Variants in KCNC2 observed in about 807,000 individuals in gnomAD.
KCNC2 encodes voltage-gated potassium channel KCNC2.
KCNC2 carries 21 observed loss-of-function variants against 44.5 expected under a neutral mutation model. The observed-to-expected ratio is 0.47, with a 90% CI of 0.33 to 0.68. The LOEUF is 0.68. Ranked by LOEUF, KCNC2 falls within the 30% of genes least tolerant of loss-of-function variation. The pLI is 0.01. For missense variants in KCNC2, 589 were observed against 826.2 expected (o/e 0.71, Z 3.52); for synonymous variants, 391 against 339.1 (o/e 1.15, Z -1.68).
chr12:75,181,042 T>TA (rs1453008137), intron 2 of KCNC2, among the ~76,000 whole-genome samples: 6 of 152,148 alleles, frequency 3.9e-5, no homozygotes, highest in Non-Finnish European at 7.4e-5. Flanking sequence ...TCAAAATAAA[T>TA]ACTTAAAAGA....
intron 2 of KCNC2, among the ~76,000 whole-genome samples, chr12:75,178,610 A>G (rs1197331533): frequency 6.6e-6 from 1 of 152,070 alleles, no homozygotes; most frequent in Non-Finnish European, 1.5e-5. Context: ...GTAAACTACA[A>G]CTATTCAGAT....
chr12:75,119,922 G>A (rs1311985591), intron 2 of KCNC2, among the ~76,000 whole-genome samples: 2 of 152,166 alleles, frequency 1.3e-5, no homozygotes, highest in African/African-American at 4.8e-5. Context: ...GATTATATCT[G>A]ATAATAATTC....
At chr12:75,204,135 C>A (rs996887368) in intron 2 of KCNC2, among the ~76,000 whole-genome samples, 1 of 151,844 alleles carries the variant, frequency 6.6e-6, no homozygotes, top group Non-Finnish European at 1.5e-5. Context: ...GTTTCCATGA[C>A]AACTTATATT....
At chr12:75,086,062 T>C (rs530249315) in intron 2 of KCNC2, among the ~76,000 whole-genome samples, 8 of 152,062 alleles carry the variant, frequency 5.3e-5, no homozygotes, top group Non-Finnish European at 1.0e-4. Context: ...TAGATAAATA[T>C]GTTTTCACTC....
chr12:75,050,449 C>T lies in KCNC2; in HGVS notation c.1556G>A (p.Ser519Asn). Residue 519 changes from serine (S) to asparagine (N), a missense_variant, in exon 3 of 5, where the codon AGT (serine) becomes AAT (asparagine). Physicochemically the swap from Ser to Asn is conservative, Grantham distance 46. Around this residue, in one of 7 missense-constraint regions of KCNC2, gnomAD observed 171 missense variants for 182.4 expected, o/e 0.94. Coordinates refer to ENST00000549446, the MANE Select transcript of KCNC2 (RefSeq NM_139137.4). ...GCCCAGACATGTGTCACTCTGTGTA[C>T]TATTGCAGGCCATATTTAATTCTGT... ...CKTELNMACN[S>N]TQSDTCLGKD... The T allele has an allele frequency of 6.2e-7, 1 of 1,613,562 alleles. No individual in the cohort carries two copies. The highest frequency in any genetic ancestry group is 1.3e-5 in the African/African-American group (1 of 74,972).
intron 2 of KCNC2, among the ~76,000 whole-genome samples, chr12:75,155,777 T>C (rs1242193703): frequency 1.3e-5 from 2 of 151,572 alleles, no homozygotes; most frequent in Non-Finnish European, 2.9e-5. Context: ...AGTTCACTAA[T>C]GACAAGGTTA....
intron 2 of KCNC2, among the ~76,000 whole-genome samples, chr12:75,118,153 T>A (rs1349423901): frequency 6.6e-6 from 1 of 152,134 alleles, no homozygotes; most frequent in African/African-American, 2.4e-5. Context: ...CAATCTCATT[T>A]AGACAAATCA....
At chr12:75,146,471 G>C (rs1404685983) in intron 2 of KCNC2, among the ~76,000 whole-genome samples, 1 of 152,164 alleles carries the variant, frequency 6.6e-6, no homozygotes, top group Non-Finnish European at 1.5e-5. Context: ...GTTATTAAAA[G>C]TAGATCTGTT....
chr12:75,202,233 A>G (rs1488590427), intron 2 of KCNC2, among the ~76,000 whole-genome samples: 1 of 151,900 alleles, frequency 6.6e-6, no homozygotes, highest in East Asian at 1.9e-4. Flanking sequence ...AATCTATCCA[A>G]CTATATTCAC....
rs976539190 is a variant in KCNC2, at chr12:75,060,188, C to A, written c.688-8871G>T. Among the ~76,000 whole-genome samples the A allele has an allele frequency of 3.9e-5, 6 of 152,192 alleles. No individual in the cohort carries two copies. The East Asian group carries it at 9.7e-4, about 25-fold the overall frequency. On this transcript the variant is annotated intron_variant, in intron 2 of 4. Coordinates refer to ENST00000549446, the MANE Select transcript of KCNC2 (RefSeq NM_139137.4). The stretch of plus-strand genomic sequence containing the variant: ...TTTGGACCATCATTTAGCAATGAAA[C>A]AACTTGGTACCAAGAATCCTTTTTC...
chr12:75,124,632 C>T (rs537204316), intron 2 of KCNC2, among the ~76,000 whole-genome samples: 2 of 152,220 alleles, frequency 1.3e-5, no homozygotes, highest in South Asian at 4.1e-4. Context: ...GTGATTAAAT[C>T]TCAATGTGCT....
chr12:75,181,006 A>T (rs61932897), intron 2 of KCNC2, among the ~76,000 whole-genome samples: 152,250 of 152,250 alleles, frequency 1, 76,125 homozygotes, highest in Non-Finnish European at 1. Flanking sequence ...AAACTATTTG[A>T]ACTTCTAACA....
chr12:75,070,485 G>A (rs34361848), intron 2 of KCNC2, among the ~76,000 whole-genome samples: 6,381 of 148,474 alleles, frequency 0.043, 226 homozygotes, highest in Non-Finnish European at 0.055. Flanking sequence ...TATACTCTAA[G>A]CATAATATTA....
chr12:75,148,516 T>C (rs529119988), intron 2 of KCNC2, among the ~76,000 whole-genome samples: 7 of 152,272 alleles, frequency 4.6e-5, no homozygotes, highest in African/African-American at 1.7e-4. Context: ...CTATTTATTT[T>C]CTTCTTATTT....
chr12:75,043,291 A>T, intron 4 of KCNC2, 50 bp from the exon 5 acceptor site: 1 of 1,606,426 alleles, frequency 6.2e-7, no homozygotes, highest in Non-Finnish European at 8.5e-7. Flanking sequence ...CAGAATATAG[A>T]CAGACAAATA....
intron 2 of KCNC2, among the ~76,000 whole-genome samples, chr12:75,114,014 T>C (rs527591509): frequency 1.3e-5 from 2 of 152,264 alleles, no homozygotes; most frequent in South Asian, 2.1e-4. Context: ...ACACACATTG[T>C]TATTGAAAGT....
chr12:75,191,315 T>G (rs2030185850), intron 2 of KCNC2, among the ~76,000 whole-genome samples: 1 of 151,644 alleles, frequency 6.6e-6, no homozygotes, highest in African/African-American at 2.4e-5. Flanking sequence ...TAAACTAAAT[T>G]TTTAATAGTC....
intron 2 of KCNC2, among the ~76,000 whole-genome samples, chr12:75,116,336 C>T (rs536646201): frequency 2.6e-5 from 4 of 152,124 alleles, no homozygotes; most frequent in Non-Finnish European, 5.9e-5. Context: ...AGAAAATGTA[C>T]TCTTAGTGAT....
At chr12:75,141,868 G>A (rs147864344) in intron 2 of KCNC2, among the ~76,000 whole-genome samples, 63 of 152,166 alleles carry the variant, frequency 4.1e-4, no homozygotes, top group Admixed American at 4.0e-3. Context: ...CATGTATTGA[G>A]CATTTACCGT....
Sources: gnomAD v4.1 joint callset for allele counts (sites outside exome capture counted in the v4.1 genomes callset) on GRCh38, gnomAD v4.1.1 for gene constraint, gnomAD v4.1.1 regional missense constraint, MANE v1.5 for transcripts, NCBI Gene and HGNC (gene_info 2026-07-23, HGNC 2026-07-21) for gene names.